Variants in PBLD observed in about 807,000 individuals in gnomAD.
PBLD encodes phenazine biosynthesis like protein domain containing, also known as phenazine biosynthesis-like domain-containing protein.
PBLD carries 26 observed loss-of-function variants against 31.3 expected under a neutral mutation model. The ratio of observed to expected loss-of-function variants is 0.83; its 90% CI spans 0.61 to 1.15. PBLD has a LOEUF of 1.15. PBLD is among the 50% of genes most tolerant of loss of function. The pLI, the probability that PBLD is intolerant of heterozygous loss-of-function variation, is 0.00. For missense variants in PBLD, 307 were observed against 351.7 expected (o/e 0.87, Z 1.02); for synonymous variants, 114 against 129.0 (o/e 0.88, Z 0.79).
At chr10:68,305,268 TC>T (rs1445504394) in intron 2 of PBLD, among the ~76,000 whole-genome samples, 2 of 75,252 alleles carry the variant, frequency 2.7e-5, no homozygotes, top group South Asian at 8.0e-4. Context: ...TCATCAGTCC[TC>T]CTTTTTTTTT....
At chr10:68,313,205 G>A (rs1010860084) in intron 1 of PBLD, among the ~76,000 whole-genome samples, 2 of 152,100 alleles carry the variant, frequency 1.3e-5, no homozygotes, top group African/African-American at 4.8e-5. Context: ...TTGAGCCAAC[G>A]TGCCGGGCCG....
At chr10:68,298,546 T>A (rs2044462145) in intron 2 of PBLD, among the ~76,000 whole-genome samples, 1 of 152,174 alleles carries the variant, frequency 6.6e-6, no homozygotes, top group Non-Finnish European at 1.5e-5. Flanking sequence ...TTGAAACTTT[T>A]CTGTAGGTTT....
intron 1 of PBLD, among the ~76,000 whole-genome samples, chr10:68,319,455 G>A (rs1483204184): frequency 6.6e-6 from 1 of 152,204 alleles, no homozygotes; most frequent in African/African-American, 2.4e-5. Context: ...GGCCAAGACA[G>A]GTGGATTGCT....
intron 1 of PBLD, among the ~76,000 whole-genome samples, chr10:68,309,751 G>A (rs1296996327): frequency 6.9e-6 from 1 of 145,414 alleles, no homozygotes; most frequent in African/African-American, 2.6e-5. Context: ...AGGTTGTGGT[G>A]AGCCGAGATC....
At chr10:68,331,728 G>A (rs1278661324) in intron 1 of PBLD, 1 of 152,286 alleles carries the variant, frequency 6.6e-6, no homozygotes, top group Non-Finnish European at 1.5e-5. Flanking sequence ...GATCACCGGA[G>A]AACTTCTCCA....
chr10:68,326,038 C>T (rs1308421575), intron 1 of PBLD, among the ~76,000 whole-genome samples: 3 of 151,954 alleles, frequency 2.0e-5, no homozygotes, highest in Non-Finnish European at 2.9e-5. Flanking sequence ...GCTCATCCAA[C>T]ATTATAGAAT....
intron 2 of PBLD, among the ~76,000 whole-genome samples, chr10:68,302,787 G>C (rs2044521381): frequency 6.6e-6 from 1 of 150,454 alleles, no homozygotes; most frequent in South Asian, 2.1e-4. Flanking sequence ...GCTGCAGTGA[G>C]CTATAATCAT....
At position 68,284,280 on chromosome 10, in the gene PBLD, C is replaced by A. The variant is rs777176794; in HGVS notation, c.764G>T (p.Cys255Phe). The A allele has an allele frequency of 1.9e-6, 3 of 1,612,990 alleles. No individual in the cohort carries two copies. The highest frequency in any genetic ancestry group is 2.5e-6 in the Non-Finnish European group (3 of 1,179,068). Reference protein sequence around the residue: ...LGKKEMHAFQCSHRGGELGIS... With the variant: ...LGKKEMHAFQFSHRGGELGIS... ...TCCCAGCTCTCCTCCTCGGTGGGAA[C>A]ACTGAAAAGCTAAAGAAAACAAACA... is the stretch of plus-strand genomic sequence containing the variant. The change falls in exon 10 of 10, where the codon TGT (cysteine) becomes TTT (phenylalanine). Residue 255 changes from cysteine to phenylalanine, a missense_variant. Physicochemically the swap from Cys to Phe is radical, Grantham distance 205 (BLOSUM62 -2). Coordinates refer to ENST00000358769, the MANE Select transcript of PBLD (RefSeq NM_022129.4).
Position 68,284,157 on chromosome 10 carries a change from G to A in PBLD, c.*20C>T. On this transcript the variant is annotated 3_prime_UTR_variant, in exon 10 of 10. Coordinates refer to ENST00000358769, the MANE Select transcript of PBLD (RefSeq NM_022129.4). ...AAATACTTGGTGGTTAGAGACAGCAGCGTCACAGCATAACCACCTCTAGGC... is the reference window on the plus strand; with the variant it reads ...AAATACTTGGTGGTTAGAGACAGCAACGTCACAGCATAACCACCTCTAGGC... 6.3e-7 allele frequency: 1 copy of A among 1,586,946 alleles called. No individual in the cohort carries two copies.
At chr10:68,316,774 A>T (rs900146411) in intron 1 of PBLD, among the ~76,000 whole-genome samples, 3 of 152,140 alleles carry the variant, frequency 2.0e-5, no homozygotes, top group African/African-American at 7.2e-5. Context: ...GCACTTTGGG[A>T]GGCTGAGGAG....
intron 1 of PBLD, among the ~76,000 whole-genome samples, chr10:68,315,873 T>C (rs901279944): frequency 1.3e-5 from 2 of 152,142 alleles, no homozygotes; most frequent in African/African-American, 4.8e-5. Context: ...TAAGAAAATC[T>C]CTGTCTAATA....
At chr10:68,302,069 G>T (rs779090212) in intron 2 of PBLD, among the ~76,000 whole-genome samples, 1 of 152,230 alleles carries the variant, frequency 6.6e-6, no homozygotes, top group Non-Finnish European at 1.5e-5. Flanking sequence ...AACTTTGAAA[G>T]CCTTACAAAC....
At chr10:68,292,439 G>A (rs1336087693) in intron 4 of PBLD, among the ~76,000 whole-genome samples, 3 of 151,952 alleles carry the variant, frequency 2.0e-5, no homozygotes, top group Admixed American at 2.0e-4. Context: ...TAACTGATCA[G>A]ATGTGGCGTC....
At chr10:68,286,085 C>CTTT (rs71009034) in intron 8 of PBLD, among the ~76,000 whole-genome samples, 7 of 103,438 alleles carry the variant, frequency 6.8e-5, no homozygotes, top group Admixed American at 1.3e-4. Flanking sequence ...TTGAATAATT[C>CTTT]TTTTTTTTTT....
At chr10:68,306,464 G>C (rs953797984) in intron 2 of PBLD, among the ~76,000 whole-genome samples, 3 of 152,132 alleles carry the variant, frequency 2.0e-5, no homozygotes, top group South Asian at 2.1e-4. Flanking sequence ...CTCAACACTT[G>C]GTGCTAACTA....
chr10:68,298,734 G>GC (rs1337138132), intron 2 of PBLD, among the ~76,000 whole-genome samples: 1 of 144,024 alleles, frequency 6.9e-6, no homozygotes, highest in African/African-American at 2.6e-5. Flanking sequence ...GGTTTATTGT[G>GC]AAGATATATA....
intron 1 of PBLD, among the ~76,000 whole-genome samples, chr10:68,322,577 T>C (rs1475961859): frequency 1.3e-5 from 2 of 150,644 alleles, no homozygotes; most frequent in African/African-American, 2.4e-5. Context: ...GGCAGGAGGA[T>C]TGCTTGAGCC....
At chr10:68,310,492 A>G (rs891496446) in intron 1 of PBLD, among the ~76,000 whole-genome samples, 7 of 149,540 alleles carry the variant, frequency 4.7e-5, no homozygotes, top group Admixed American at 2.7e-4. Flanking sequence ...GCATTTTTCA[A>G]GAATACAGTA....
intron 1 of PBLD, among the ~76,000 whole-genome samples, chr10:68,319,394 T>C (rs910031223): frequency 9.2e-5 from 14 of 152,198 alleles, no homozygotes; most frequent in African/African-American, 3.4e-4. Flanking sequence ...CAAAAAGTAA[T>C]CTAACTTGCT....
Sources: gnomAD v4.1 joint callset for allele counts (sites outside exome capture counted in the v4.1 genomes callset) on GRCh38, gnomAD v4.1.1 for gene constraint, MANE v1.5 for transcripts, NCBI Gene and HGNC (gene_info 2026-07-23, HGNC 2026-07-21) for gene names.